The following SNX29 variants were observed in gnomAD, a reference collection of about 807,000 sequenced individuals.
The protein encoded by SNX29 is sorting nexin-29.
A neutral mutation model predicts 102.1 loss-of-function variants in SNX29; 78 were observed. The observed-to-expected ratio is 0.76, with a 90% CI of 0.64 to 0.92. The LOEUF is 0.92. Among genes scored for constraint, SNX29 ranks in the 40% least tolerant of loss-of-function variants. The pLI, the probability that SNX29 is intolerant of heterozygous loss-of-function variation, is 0.00. For missense variants in SNX29, 1,280 were observed against 1,061.7 expected (o/e 1.21, Z -2.86); for synonymous variants, 580 against 414.5 (o/e 1.40, Z -4.85).
chr16:12,127,981 TACTC>T (rs2054291714), intron 12 of SNX29, among the ~76,000 whole-genome samples: 3 of 152,230 alleles, frequency 2.0e-5, no homozygotes, highest in East Asian at 1.9e-4. Flanking sequence ...CACCCTTTCT[TACTC>T]ACACGCTCTT....
chr16:12,461,380 C>G (rs762935883), intron 18 of SNX29, among the ~76,000 whole-genome samples: 1 of 152,128 alleles, frequency 6.6e-6, no homozygotes, highest in Non-Finnish European at 1.5e-5. Flanking sequence ...ATTACTGTGA[C>G]GAGGGGTAGA....
chr16:12,212,119 C>T (rs536007731), intron 14 of SNX29, among the ~76,000 whole-genome samples: 6 of 152,172 alleles, frequency 3.9e-5, no homozygotes, highest in African/African-American at 1.2e-4. Context: ...TGGTGTGTGA[C>T]GAGCTAGCCC....
chr16:12,317,860 C>G (rs546274356), intron 15 of SNX29, among the ~76,000 whole-genome samples: 2 of 152,276 alleles, frequency 1.3e-5, no homozygotes, highest in South Asian at 2.1e-4. Context: ...GGTGGGGGGT[C>G]GAAATGAGAT....
chr16:12,559,975 C>G (rs1262445309), intron 20 of SNX29, among the ~76,000 whole-genome samples: 1 of 151,898 alleles, frequency 6.6e-6, no homozygotes, highest in Non-Finnish European at 1.5e-5. Flanking sequence ...CAAGACTCCA[C>G]CACGAAAAAA....
In SNX29 at chr16:12,511,728, C is replaced by G. The variant is rs560723830; in HGVS notation, c.2179-12974C>G. 2.0e-5 allele frequency among the ~76,000 whole-genome samples: 3 copies of G among 151,280 alleles called. No individual in the cohort carries two copies. In the South Asian group the frequency reaches 6.4e-4, roughly 32 times the overall value. ...TCTCCGAGCTCTTTCATGGGTATTCCTCTCTTGAGCTGCCCAGGGATTGGG... is the reference window on the plus strand; with the variant it reads ...TCTCCGAGCTCTTTCATGGGTATTCGTCTCTTGAGCTGCCCAGGGATTGGG... On this transcript the variant is annotated intron_variant, in intron 19 of 20. Transcript: ENST00000566228.
intron 13 of SNX29, among the ~76,000 whole-genome samples, chr16:12,156,540 A>G (rs1360217732): frequency 1.3e-5 from 2 of 152,236 alleles, no homozygotes; most frequent in East Asian, 3.9e-4. Flanking sequence ...GCCCCCAGAG[A>G]GCACCATGAA....
chr16:12,027,168 C>A, intron 3 of SNX29, 152 bp from the exon 4 acceptor site: 1 of 834,512 alleles, frequency 1.2e-6, no homozygotes, highest in Non-Finnish European at 1.8e-6. Flanking sequence ...TGGCGCAGGT[C>A]AGTTACCAAG....
At chr16:12,548,045 C>G (rs933036617) in intron 20 of SNX29, among the ~76,000 whole-genome samples, 4 of 152,136 alleles carry the variant, frequency 2.6e-5, no homozygotes, top group Non-Finnish European at 1.5e-5. Flanking sequence ...AAGGCAAGCA[C>G]CACCCCTGGC....
At position 12,435,321 on chromosome 16, in the gene SNX29, T is replaced by G. The variant is rs117599071; in HGVS notation, c.2037+31792T>G. ...GACACACTTCTGCCTTACAACTGTT[T>G]CTTAAAATTCTGAAGTGTTCTCTAG... On this transcript the variant is annotated intron_variant, in intron 18 of 20. Coordinates refer to ENST00000566228, the MANE Select transcript of SNX29 (RefSeq NM_032167.5). Among the ~76,000 whole-genome samples the G allele has an allele frequency of 2.4e-4, 36 of 152,292 alleles. 2 individuals are homozygous for G. In the East Asian group the frequency reaches 6.0e-3, roughly 25 times the overall value.
rs908719107 is a variant in SNX29 at position 12,064,769 on chromosome 16, C to T, written c.1243+3123C>T. Among the ~76,000 whole-genome samples, 7 of 152,322 alleles carry T rather than the reference C, an allele frequency of 4.6e-5. No individual in the cohort carries two copies. The East Asian group carries it at 1.2e-3, about 25-fold the overall frequency. ...TGGTGCCAAGACTCTGCCTGCCTGCCCAGGTGGCCACCGCCACCATTTCTC... is the reference window on the plus strand; with the variant it reads ...TGGTGCCAAGACTCTGCCTGCCTGCTCAGGTGGCCACCGCCACCATTTCTC... On this transcript the variant is annotated intron_variant, in intron 9 of 20. Coordinates refer to ENST00000566228, the MANE Select transcript of SNX29 (RefSeq NM_032167.5).
chr16:12,560,472 TCA>T (rs1332537736), intron 20 of SNX29, among the ~76,000 whole-genome samples: 1 of 152,146 alleles, frequency 6.6e-6, no homozygotes, highest in East Asian at 1.9e-4. Context: ...TGCCTGGGAG[TCA>T]CACTTACCTC....
intron 11 of SNX29, among the ~76,000 whole-genome samples, chr16:12,089,194 C>A (rs959035629): frequency 6.7e-6 from 1 of 150,144 alleles, no homozygotes; most frequent in African/African-American, 2.5e-5. Flanking sequence ...GGTGGTGGCA[C>A]CTGGCATCTG....
chr16:12,171,370 C>A (rs541569363), intron 13 of SNX29, among the ~76,000 whole-genome samples: 4 of 152,088 alleles, frequency 2.6e-5, no homozygotes, highest in Non-Finnish European at 5.9e-5. Context: ...TTAGTCCCAT[C>A]TTTTGGATCA....
chr16:12,462,012 T>C lies in SNX29; in HGVS notation c.2038-15707T>C, dbSNP rs1338155426. Among the ~76,000 whole-genome samples, 223 of 62,602 alleles carry C rather than the reference T, an allele frequency of 3.6e-3. 2 individuals are homozygous for C. The highest frequency in any genetic ancestry group is 0.019 in the African/African-American group (206 of 10,830). The allele number at this position is 62,602 out of a possible 152,430, so 41.1% of individuals were successfully genotyped here. ...ATATATATATATATATATATATATA[T>C]GTATACACACACACACACACACACA... On this transcript the variant is annotated intron_variant, in intron 18 of 20. Coordinates refer to ENST00000566228, the MANE Select transcript of SNX29 (RefSeq NM_032167.5).
intron 11 of SNX29, among the ~76,000 whole-genome samples, chr16:12,086,104 C>T (rs868288328): frequency 9.9e-5 from 15 of 151,274 alleles, no homozygotes; most frequent in Admixed American, 2.0e-4. Flanking sequence ...CCCGGGCTCA[C>T]GCCATTCTCC....
intron 19 of SNX29, among the ~76,000 whole-genome samples, chr16:12,506,611 G>T (rs552710109): frequency 1.6e-3 from 250 of 152,306 alleles, no homozygotes; most frequent in African/African-American, 5.9e-3. Flanking sequence ...AGAAAGAAAA[G>T]AAAGATGAAA....
At chr16:12,148,811 C>T (rs1205819832) in intron 13 of SNX29, among the ~76,000 whole-genome samples, 3 of 152,184 alleles carry the variant, frequency 2.0e-5, no homozygotes, top group Non-Finnish European at 4.4e-5. Flanking sequence ...GATTCTGCTG[C>T]CTCAACCTCC....
intron 18 of SNX29, among the ~76,000 whole-genome samples, chr16:12,463,641 G>A (rs916395113): frequency 4.6e-5 from 7 of 151,986 alleles, no homozygotes; most frequent in African/African-American, 1.7e-4. Context: ...GATTTGGGTG[G>A]GGATACAGAA....
At chr16:12,365,684 C>T (rs970188253) in intron 16 of SNX29, among the ~76,000 whole-genome samples, 7 of 148,350 alleles carry the variant, frequency 4.7e-5, no homozygotes, top group Admixed American at 2.7e-4. Flanking sequence ...GAGCAAGACT[C>T]CATCTCCAAA....
Sources: gnomAD v4.1 joint callset for allele counts (sites outside exome capture counted in the v4.1 genomes callset) on GRCh38, gnomAD v4.1.1 for gene constraint, MANE v1.5 for transcripts, NCBI Gene and HGNC (gene_info 2026-07-23, HGNC 2026-07-21) for gene names.